FAM186B: variants seen among roughly 807,000 people sequenced by gnomAD.
FAM186B encodes family with sequence similarity 186 member B.
Under a neutral mutation model 83.4 loss-of-function variants are expected in FAM186B, and 68 were observed. That is an observed-to-expected ratio of 0.81 (90% CI 0.67 to 1.00). FAM186B has a LOEUF of 1.00. Among genes scored for constraint, FAM186B ranks in the 50% least tolerant of loss-of-function variants. The probability of loss-of-function intolerance (pLI) is 0.00; values close to 1 mark genes in which losing one functional copy is unlikely to be tolerated. For missense variants in FAM186B, 983 were observed against 1,099.2 expected, an observed-to-expected ratio of 0.89 and a Z score of 1.49; for synonymous variants, 389 against 422.0, an observed-to-expected ratio of 0.92 and a Z score of 0.96.
downstream of FAM186B, among the ~76,000 whole-genome samples, chr12:49,587,028 G>T (rs1227417012): frequency 6.6e-6 from 1 of 152,146 alleles, no homozygotes; most frequent in East Asian, 1.9e-4. Context: ...ATGTAGAGAG[G>T]GTCCTTAAAA....
chr12:49,599,346 G>T lies in FAM186B; in HGVS notation c.2171+123C>A, dbSNP rs939559965. On this transcript the variant is annotated intron_variant, in intron 4 of 6. Transcript: ENST00000257894. ...TCCAGGCCCCCACTCAGGAGACCCT[G>T]TCCAGGCCTGGGGTGGCTCTCCCCA... is the stretch of plus-strand genomic sequence containing the variant. The T allele has an allele frequency of 5.0e-6, 7 of 1,394,326 alleles. No homozygotes were observed. In the African/African-American group the frequency reaches 1.0e-4, roughly 20 times the overall value. The allele number at this position is 1,394,326 out of a possible 1,614,324, so 86.4% of individuals were successfully genotyped here.
At chr12:49,621,916 G>A in the FAM186B span, among the ~76,000 whole-genome samples, 1 of 152,254 alleles carries the variant, frequency 6.6e-6, no homozygotes, top group Non-Finnish European at 1.5e-5. Flanking sequence ...GTTGCCTCCA[G>A]AGAGGGGAAG....
rs374608853 is a variant in FAM186B at position 49,593,652 on chromosome 12, G to C, written c.2365-5029C>G. ...CATCTCAAAAAAAAAAAAAAGAAAA[G>C]AAAGAGGGCCATTTCATAAGGATAA... On this transcript the variant is annotated intron_variant, in intron 5 of 6. Transcript: ENST00000257894. Among the ~76,000 whole-genome samples, 309 of 145,474 alleles carry C rather than the reference G, an allele frequency of 2.1e-3. 1 individual carries two copies. Among genetic ancestry groups the C allele is most frequent in the African/African-American group, 7.5e-3 (281 of 37,356 alleles).
intron 5 of FAM186B, among the ~76,000 whole-genome samples, chr12:49,592,333 G>A (rs186762472): frequency 5.3e-5 from 8 of 151,904 alleles, no homozygotes; most frequent in Admixed American, 2.0e-4. Flanking sequence ...TTAGCTGGGC[G>A]TGGTGGTGTG....
the FAM186B span, among the ~76,000 whole-genome samples, chr12:49,621,580 C>T: frequency 6.6e-6 from 1 of 152,074 alleles, no homozygotes; most frequent in Non-Finnish European, 1.5e-5. Flanking sequence ...GAAATTTAAG[C>T]AACTGGGGGA....
At chr12:49,621,643 A>C in the FAM186B span, among the ~76,000 whole-genome samples, 17 of 152,384 alleles carry the variant, frequency 1.1e-4, no homozygotes, top group African/African-American at 3.6e-4. Flanking sequence ...TGATTTTAAA[A>C]AACAAGATTA....
In FAM186B at chr12:49,599,759, T is replaced by C; in HGVS notation, c.1881A>G (p.Thr627=). The C allele has an allele frequency of 1.2e-6, 2 of 1,614,132 alleles. No individual in the cohort carries two copies. The highest frequency in any genetic ancestry group is 1.7e-6 in the Non-Finnish European group (2 of 1,180,012). Residue 627 remains threonine (T), a synonymous_variant, in exon 4 of 7, where the codon ACA becomes ACG. Coordinates refer to ENST00000257894, the MANE Select transcript of FAM186B (RefSeq NM_032130.3). The part of the protein sequence containing the change: ...TYRPRTRRVP[T]KPKKSASFPV... ...GAAAGGAGGCAGATTTCTTGGGCTT[T>C]GTGGGAACTCGGCGGGTCCGTGGTC...
At chr12:49,604,255 T>G (rs1392275584) in intron 2 of FAM186B, 58 bp downstream of exon 2, 20 of 1,389,926 alleles carry the variant, frequency 1.4e-5, no homozygotes, top group Non-Finnish European at 1.0e-6. Context: ...GCTGTCCCTG[T>G]GCTCGCCACC....
At chr12:49,590,850 C>T (rs1270096287) in intron 5 of FAM186B, among the ~76,000 whole-genome samples, 1 of 151,824 alleles carries the variant, frequency 6.6e-6, no homozygotes, top group Non-Finnish European at 1.5e-5. Context: ...TAAAATTGTA[C>T]AAAAATTGAA....
chr12:49,584,584 C>T (rs1034794291), downstream of FAM186B: 1 of 702,274 alleles, frequency 1.4e-6, no homozygotes, highest in Non-Finnish European at 2.6e-6. Context: ...TTGTAGGTTC[C>T]TGGCATTCCT....
intron 4 of FAM186B, 111 bp downstream of exon 4, chr12:49,599,358 G>C: frequency 7.1e-7 from 1 of 1,411,376 alleles, no homozygotes; most frequent in South Asian, 1.8e-5. Flanking sequence ...CCAGGCCTGG[G>C]GTGGCTCTCC....
At chr12:49,620,527 T>C in the FAM186B span, among the ~76,000 whole-genome samples, 4 of 149,212 alleles carry the variant, frequency 2.7e-5, no homozygotes, top group African/African-American at 9.8e-5. Flanking sequence ...AAAAAAAAAG[T>C]GCATGGAATA....
Position 49,604,356 on chromosome 12 carries a change from C to G in FAM186B, c.279G>C (p.Lys93Asn). Residue 93 changes from lysine to asparagine, a missense_variant, in exon 2 of 7, where the codon AAG (lysine) becomes AAC (asparagine). Coordinates refer to ENST00000257894, the MANE Select transcript of FAM186B (RefSeq NM_032130.3). ...IASFSKDAMM[K>N]EKHLYDILRW... ...GGAGAATGTCATACAGGTGCTTCTC[C>G]TTCATCATAGCATCTTTGGAGAAGG... 2 of 1,614,236 alleles carry G rather than the reference C, an allele frequency of 1.2e-6. No homozygotes were observed. Among genetic ancestry groups the G allele is most frequent in the Non-Finnish European group, 1.7e-6 (2 of 1,180,024 alleles).
chr12:49,586,793 T>G (rs550007673), downstream of FAM186B, among the ~76,000 whole-genome samples: 9 of 152,364 alleles, frequency 5.9e-5, no homozygotes, highest in African/African-American at 2.2e-4. Flanking sequence ...TCAGCTGGAA[T>G]GCTGGCCCAT....
At chr12:49,598,168 T>C (rs1939771055) in intron 5 of FAM186B, among the ~76,000 whole-genome samples, 1 of 152,162 alleles carries the variant, frequency 6.6e-6, no homozygotes, top group Non-Finnish European at 1.5e-5. Context: ...AGTAAAGACA[T>C]TTTCAGACAA....
chr12:49,587,860 C>G (rs1939484640), intron 6 of FAM186B, 108 bp from the exon 7 acceptor site: 1 of 1,249,724 alleles, frequency 8.0e-7, no homozygotes, highest in Non-Finnish European at 1.1e-6. Context: ...CTTCCCTTCT[C>G]AAATCGAGTG....
In FAM186B at chr12:49,600,904, C is replaced by G; in HGVS notation, c.736G>C (p.Ala246Pro). The G allele has an allele frequency of 6.2e-7, 1 of 1,614,190 alleles. No individual in the cohort carries two copies. Among genetic ancestry groups the G allele is most frequent in the Admixed American group, 1.7e-5 (1 of 60,018 alleles). The change falls in exon 4 of 7, where the codon GCC (alanine) becomes CCC (proline). Residue 246 changes from alanine to proline, a missense_variant. Coordinates refer to ENST00000257894, the MANE Select transcript of FAM186B (RefSeq NM_032130.3). This position sits in a 1 kb window ranked among gnomAD's most constrained non-coding sequence, Gnocchi z 4.3. ...TTCTCCTTGTGTTGGAGGATCAAGGCCTTGTTGAGGTTCTCCACCACAGTG... is the reference window on the plus strand; with the variant it reads ...TTCTCCTTGTGTTGGAGGATCAAGGGCTTGTTGAGGTTCTCCACCACAGTG... ...MATVVENLNK[A>P]LILQHKENRS...
the FAM186B span, among the ~76,000 whole-genome samples, chr12:49,617,666 C>G: frequency 6.6e-6 from 1 of 152,182 alleles, no homozygotes; most frequent in Non-Finnish European, 1.5e-5. Context: ...ATTTGATATT[C>G]ATATGTATAT....
At chr12:49,596,815 T>C (rs184863651) in intron 5 of FAM186B, among the ~76,000 whole-genome samples, 133 of 152,318 alleles carry the variant, frequency 8.7e-4, no homozygotes, top group East Asian at 3.9e-4. Context: ...CTTGAAAAGA[T>C]ATCTGGACTC....
Sources: allele counts gnomAD v4.1 joint callset (sites outside exome capture counted in the v4.1 genomes callset), GRCh38; gene constraint gnomAD v4.1.1; non-coding constraint Gnocchi (gnomAD v3.1); transcripts MANE v1.5; gene names NCBI Gene and HGNC (gene_info 2026-07-23, HGNC 2026-07-21).